NALF1: variants seen among roughly 807,000 people sequenced by gnomAD.
The protein encoded by NALF1 is family with sequence similarity 155 member A.
A neutral mutation model predicts 48.4 loss-of-function variants in NALF1; 3 were observed. The observed-to-expected ratio is 0.06, with a 90% confidence interval of 0.03 to 0.16. The LOEUF (loss-of-function observed/expected upper bound fraction) is 0.16, where lower values mean the gene tolerates loss of function less well. Among genes scored for constraint, NALF1 ranks in the 10% least tolerant of loss-of-function variants. The pLI is 1.00. For missense variants in NALF1, 526 were observed against 571.5 expected (o/e 0.92, Z 0.81); for synonymous variants, 262 against 245.7 (o/e 1.07, Z -0.62).
intron 1 of NALF1, among the ~76,000 whole-genome samples, chr13:107,518,209 T>C (rs1263890140): frequency 1.3e-5 from 2 of 152,210 alleles, no homozygotes; most frequent in Non-Finnish European, 2.9e-5. Flanking sequence ...AATTCGGTAC[T>C]GGCACAGAAA....
intron 1 of NALF1, among the ~76,000 whole-genome samples, chr13:107,538,580 T>A (rs777486849): frequency 6.6e-6 from 1 of 152,232 alleles, no homozygotes. Context: ...CAAGATTTTG[T>A]CATTCAAATC....
intron 1 of NALF1, among the ~76,000 whole-genome samples, chr13:107,699,612 G>A (rs2138510463): frequency 6.6e-6 from 1 of 152,146 alleles, no homozygotes; most frequent in Non-Finnish European, 1.5e-5. Flanking sequence ...TTGTTTTTAT[G>A]TCCAGTTGAA....
At chr13:107,438,847 A>AAAAAAAAAAAAAAAAAAAAAAAAAG (rs1224296148) in intron 1 of NALF1, among the ~76,000 whole-genome samples, 1 of 148,014 alleles carries the variant, frequency 6.8e-6, no homozygotes, top group African/African-American at 2.5e-5. Context: ...AAAAAAAAAA[A>AAAAAAAAAAAAAAAAAAAAAAAAAG]AAAAGAATAA....
At chr13:107,793,295 T>G (rs1467326897) in intron 1 of NALF1, among the ~76,000 whole-genome samples, 1 of 152,176 alleles carries the variant, frequency 6.6e-6, no homozygotes, top group African/African-American at 2.4e-5. Context: ...TCCGTGAATA[T>G]CTTATGTGTT....
intron 1 of NALF1, among the ~76,000 whole-genome samples, chr13:107,696,551 A>AGTGAGT (rs375852191): frequency 4.1e-5 from 6 of 146,924 alleles, no homozygotes; most frequent in African/African-American, 1.3e-4. Flanking sequence ...CTCCAAGTTG[A>AGTGAGT]GTGTGTGTGT....
chr13:107,275,475 C>T (rs944493126), intron 1 of NALF1, among the ~76,000 whole-genome samples: 4 of 152,106 alleles, frequency 2.6e-5, no homozygotes, highest in African/African-American at 9.7e-5. Context: ...GGACCCTCAC[C>T]CAATTATTAG....
chr13:107,208,892 TC>T (rs1470106162), intron 2 of NALF1, among the ~76,000 whole-genome samples: 2 of 151,556 alleles, frequency 1.3e-5, no homozygotes, highest in Admixed American at 6.6e-5. Flanking sequence ...CTCCCCCTCC[TC>T]CCCCTCCAGC....
chr13:107,235,245 G>A (rs59971745), intron 1 of NALF1, among the ~76,000 whole-genome samples: 10,133 of 152,142 alleles, frequency 0.067, 475 homozygotes, highest in East Asian at 0.23. Context: ...TCCCAGAAAG[G>A]AAATAGTTAA....
At chr13:107,431,538 G>T (rs545837423) in intron 1 of NALF1, among the ~76,000 whole-genome samples, 1 of 152,364 alleles carries the variant, frequency 6.6e-6, no homozygotes, top group African/African-American at 2.4e-5. Flanking sequence ...AGGAACGAGT[G>T]TTAAGTAGGA....
intron 1 of NALF1, among the ~76,000 whole-genome samples, chr13:107,224,371 A>T (rs1346194556): frequency 6.6e-6 from 1 of 150,808 alleles, no homozygotes; most frequent in Non-Finnish European, 1.5e-5. Flanking sequence ...TTCATCAATA[A>T]GATATGTCAT....
chr13:107,756,435 C>CTCTATATATATA (rs1555323652), intron 1 of NALF1, among the ~76,000 whole-genome samples: 1 of 141,056 alleles, frequency 7.1e-6, no homozygotes, highest in Non-Finnish European at 1.5e-5. Flanking sequence ...AGTTTAATGG[C>CTCTATATATATA]TATATATATA....
intron 1 of NALF1, among the ~76,000 whole-genome samples, chr13:107,531,959 C>T (rs1594113899): frequency 1.3e-5 from 2 of 152,168 alleles, no homozygotes; most frequent in Admixed American, 1.3e-4. Context: ...ACTAACATGG[C>T]TTTTTCACAA....
chr13:107,637,516 T>C (rs1880011529), intron 1 of NALF1, among the ~76,000 whole-genome samples: 1 of 152,184 alleles, frequency 6.6e-6, no homozygotes, highest in African/African-American at 2.4e-5. Flanking sequence ...TTTAAAATCT[T>C]ATTTTCTTCC....
chr13:107,252,538 G>C (rs922580501), intron 1 of NALF1, among the ~76,000 whole-genome samples: 1 of 152,040 alleles, frequency 6.6e-6, no homozygotes, highest in Non-Finnish European at 1.5e-5. Context: ...AGAAGACAGA[G>C]AAGGAAGGAG....
chr13:107,831,633 C>T (rs1290192960), intron 1 of NALF1, among the ~76,000 whole-genome samples: 2 of 152,042 alleles, frequency 1.3e-5, no homozygotes, highest in South Asian at 2.1e-4. Flanking sequence ...ACATACTCAA[C>T]GGCACTTCTG....
At chr13:107,457,040 T>G (rs1301706573) in intron 1 of NALF1, among the ~76,000 whole-genome samples, 1 of 152,204 alleles carries the variant, frequency 6.6e-6, no homozygotes, top group Admixed American at 6.5e-5. Context: ...AGGCCACAGT[T>G]AGAACACTGG....
intron 1 of NALF1, among the ~76,000 whole-genome samples, chr13:107,290,587 C>T (rs552549560): frequency 6.6e-6 from 1 of 152,094 alleles, no homozygotes; most frequent in South Asian, 2.1e-4. Flanking sequence ...GATCGTGAGG[C>T]CTCCCCAGCC....
chr13:107,866,504 A>G lies in NALF1; in HGVS notation c.93T>C (p.Asp31=), dbSNP rs370375367. The change falls in exon 1 of 3, where the codon GAT becomes GAC. Residue 31 remains aspartate, a synonymous_variant. Coordinates refer to ENST00000375915, the MANE Select transcript of NALF1 (RefSeq NM_001080396.3). This position sits in a 1 kb window ranked among gnomAD's most constrained non-coding sequence, Gnocchi z 4.4. The part of the protein sequence containing the change: ...APRENEKPFI[D]SERAQKWRLS... ...GTCGCCATTTCTGAGCCCTCTCGGA[A>G]TCGATGAACGGTTTCTCGTTCTCTC... The G allele has an allele frequency of 9.9e-6, 16 of 1,613,886 alleles. No homozygotes were observed. The highest frequency in any genetic ancestry group is 1.7e-5 in the Admixed American group (1 of 59,980).
At chr13:107,792,317 A>C (rs766739415) in intron 1 of NALF1, among the ~76,000 whole-genome samples, 23 of 152,186 alleles carry the variant, frequency 1.5e-4, no homozygotes, top group Non-Finnish European at 3.2e-4. Context: ...CATTTAGTAA[A>C]ATTATAATAG....
Sources: gnomAD v4.1 joint callset for allele counts (sites outside exome capture counted in the v4.1 genomes callset) on GRCh38, gnomAD v4.1.1 for gene constraint, Gnocchi (gnomAD v3.1) non-coding constraint, MANE v1.5 for transcripts, NCBI Gene and HGNC (gene_info 2026-07-23, HGNC 2026-07-21) for gene names.